RUNX1: variants seen among roughly 807,000 people sequenced by gnomAD.
RUNX1 encodes the protein RUNX family transcription factor 1, also known as runt-related transcription factor 1.
In RUNX1, 19 loss-of-function variants were observed where a neutral mutation model predicts 42.8. The observed-to-expected ratio is 0.44, with a 90% CI of 0.31 to 0.65. RUNX1 has a LOEUF of 0.65. Ranked by LOEUF, RUNX1 falls within the 30% of genes least tolerant of loss-of-function variation. The pLI is 0.07. For missense variants in RUNX1, 528 were observed against 672.0 expected (o/e 0.79, Z 2.37); for synonymous variants, 271 against 289.4 (o/e 0.94, Z 0.64).
chr21:34,814,021 A>G (rs535399273), intron 7 of RUNX1, among the ~76,000 whole-genome samples: 1 of 152,212 alleles, frequency 6.6e-6, no homozygotes, highest in Non-Finnish European at 1.5e-5. Flanking sequence ...ATGTACTGAC[A>G]GAACAAAAAG....
chr21:34,893,237 TGTG>T (rs1377849285), intron 2 of RUNX1, among the ~76,000 whole-genome samples: 6 of 152,198 alleles, frequency 3.9e-5, no homozygotes, highest in Non-Finnish European at 7.4e-5. Context: ...AAGCTCCGTG[TGTG>T]ATTAAAATGT....
chr21:34,892,624 G>C lies in RUNX1; in HGVS notation c.97+301C>G, dbSNP rs181591042. On this transcript the variant is annotated intron_variant, in intron 3 of 8. Coordinates refer to ENST00000675419, the MANE Select transcript of RUNX1 (RefSeq NM_001754.5). ...GGTAATAAGCTGGGCTGTGAGGGAAGCCAAGCTCTGTTTTGTTTTTAGAGA... is the reference window on the plus strand; with the variant it reads ...GGTAATAAGCTGGGCTGTGAGGGAACCCAAGCTCTGTTTTGTTTTTAGAGA... Among the ~76,000 whole-genome samples the C allele has an allele frequency of 5.9e-4, 90 of 152,320 alleles. 2 individuals carry two copies. The highest frequency in any genetic ancestry group is 5.9e-5 in the Non-Finnish European group (4 of 68,022).
chr21:34,887,863 G>A lies in RUNX1; in HGVS notation c.98-767C>T, dbSNP rs564870811. On this transcript the variant is annotated intron_variant, in intron 3 of 8. Coordinates refer to ENST00000675419, the MANE Select transcript of RUNX1 (RefSeq NM_001754.5). ...GTGCTGAGCTAGAAGTACTTGTCATGTTCTCTGTTCTCTCAATGAATTCTG... is the reference window on the plus strand; with the variant it reads ...GTGCTGAGCTAGAAGTACTTGTCATATTCTCTGTTCTCTCAATGAATTCTG... 1.7e-5 allele frequency: 18 copies of A among 1,064,876 alleles called. 1 individual carries two copies. In the South Asian group the frequency reaches 7.7e-4, roughly 46 times the overall value. 66.0% of individuals were successfully genotyped at this position (1,064,876 alleles called of 1,614,324 possible).
chr21:34,945,542 C>T (rs1257594063), intron 2 of RUNX1, among the ~76,000 whole-genome samples: 1 of 152,180 alleles, frequency 6.6e-6, no homozygotes, highest in Non-Finnish European at 1.5e-5. Context: ...CCTGAAATTG[C>T]TTTCTCAAAT....
chr21:34,909,891 TTTC>T (rs1236073477), intron 2 of RUNX1, among the ~76,000 whole-genome samples: 6 of 152,152 alleles, frequency 3.9e-5, no homozygotes, highest in African/African-American at 9.7e-5. Flanking sequence ...TCCTCTTTCC[TTTC>T]TTCTTCTTTA....
intron 6 of RUNX1, among the ~76,000 whole-genome samples, chr21:34,846,477 C>A (rs762164): frequency 0.32 from 48,098 of 151,744 alleles, 7,934 homozygotes; most frequent in East Asian, 0.49. Context: ...GCTCCTACAA[C>A]CATCAAATCA....
chr21:34,860,929 A>G (rs60997034), intron 5 of RUNX1, among the ~76,000 whole-genome samples: 3,922 of 152,286 alleles, frequency 0.026, 150 homozygotes, highest in African/African-American at 0.088. Context: ...ATTAAAGTCT[A>G]TAATAAAAAG....
At chr21:35,040,905 T>A (rs1396344457) in intron 2 of RUNX1, among the ~76,000 whole-genome samples, 1 of 152,102 alleles carries the variant, frequency 6.6e-6, no homozygotes, top group Admixed American at 6.5e-5. Context: ...TCTGGCAAGC[T>A]GACTGCTGCA....
At chr21:34,857,722 T>C (rs1186481403) in intron 6 of RUNX1, among the ~76,000 whole-genome samples, 1 of 152,204 alleles carries the variant, frequency 6.6e-6, no homozygotes, top group African/African-American at 2.4e-5. Flanking sequence ...CAAGCCTGCT[T>C]CCTCTTTGGT....
chr21:34,827,910 C>G (rs1310403993), intron 7 of RUNX1, among the ~76,000 whole-genome samples: 2 of 152,226 alleles, frequency 1.3e-5, no homozygotes, highest in Non-Finnish European at 2.9e-5. Context: ...GGGAATACCA[C>G]TGCAGACAGT....
chr21:34,900,410 T>C (rs777838794), intron 2 of RUNX1, among the ~76,000 whole-genome samples: 1 of 152,220 alleles, frequency 6.6e-6, no homozygotes, highest in Non-Finnish European at 1.5e-5. Flanking sequence ...CTGCTAGTGC[T>C]TGAGTGAGCT....
chr21:34,926,688 G>T (rs943669386), intron 2 of RUNX1, among the ~76,000 whole-genome samples: 11 of 151,902 alleles, frequency 7.2e-5, no homozygotes, highest in African/African-American at 2.7e-4. Flanking sequence ...AACATATCAG[G>T]TTAAGGTATG....
At chr21:34,885,497 CA>C (rs763413423) in intron 4 of RUNX1, among the ~76,000 whole-genome samples, 4 of 151,808 alleles carry the variant, frequency 2.6e-5, no homozygotes, top group Non-Finnish European at 5.9e-5. Context: ...ACAAAACAAA[CA>C]AAAAAAACTG....
chr21:34,942,422 C>T (rs1280304710), intron 2 of RUNX1, among the ~76,000 whole-genome samples: 1 of 152,128 alleles, frequency 6.6e-6, no homozygotes, highest in African/African-American at 2.4e-5. Context: ...GGTTCACTTG[C>T]AGGTTTCATA....
chr21:34,991,744 T>A (rs138443640), intron 2 of RUNX1, among the ~76,000 whole-genome samples: 240 of 152,284 alleles, frequency 1.6e-3, no homozygotes, highest in African/African-American at 5.7e-3. Flanking sequence ...CATGTCCACA[T>A]AGAACCTCAG....
chr21:34,916,011 AAGAAT>A (rs1287645456), intron 2 of RUNX1, among the ~76,000 whole-genome samples: 2 of 152,176 alleles, frequency 1.3e-5, no homozygotes, highest in Non-Finnish European at 2.9e-5. Flanking sequence ...TATTTGGGTT[AAGAAT>A]AGAAGAGTTT....
intron 2 of RUNX1, among the ~76,000 whole-genome samples, chr21:34,905,052 C>T (rs180835248): frequency 2.1e-4 from 32 of 152,278 alleles, no homozygotes; most frequent in Admixed American, 1.8e-3. Flanking sequence ...CTGGGAGCTG[C>T]GCTGTCAAAT....
chr21:34,811,381 C>T (rs1048045857), intron 7 of RUNX1, among the ~76,000 whole-genome samples: 1 of 152,226 alleles, frequency 6.6e-6, no homozygotes, highest in Non-Finnish European at 1.5e-5. Flanking sequence ...CCTGCATCCT[C>T]TTCACCTTGT....
intron 2 of RUNX1, among the ~76,000 whole-genome samples, chr21:34,947,067 C>G (rs1025079058): frequency 2.0e-5 from 3 of 152,220 alleles, no homozygotes; most frequent in African/African-American, 7.2e-5. Context: ...CTCTTCTGGT[C>G]ACACATGGCA....
Sources: allele counts gnomAD v4.1 joint callset (sites outside exome capture counted in the v4.1 genomes callset), GRCh38; gene constraint gnomAD v4.1.1; transcripts MANE v1.5; gene names NCBI Gene and HGNC (gene_info 2026-07-23, HGNC 2026-07-21).